Variants in DYNC1LI1 observed in about 807,000 individuals in gnomAD.
The protein encoded by DYNC1LI1 is cytoplasmic dynein 1 light intermediate chain 1.
Under a neutral mutation model 63.8 loss-of-function variants are expected in DYNC1LI1, and 19 were observed. That is an observed-to-expected ratio of 0.30 (90% CI 0.21 to 0.44). The LOEUF (loss-of-function observed/expected upper bound fraction) is 0.44. DYNC1LI1 is among the 20% of genes least tolerant of loss of function. The probability of loss-of-function intolerance (pLI) is 1.00; values close to 1 mark genes in which losing one functional copy is unlikely to be tolerated. For synonymous variants in DYNC1LI1, 225 were observed against 232.3 expected (o/e 0.97, Z 0.28); for missense variants, 565 against 630.2 (o/e 0.90, Z 1.11).
At chr3:32,570,521 C>T (rs2125448727) in intron 1 of DYNC1LI1, 102 bp from the exon 2 acceptor site, 1 of 1,478,386 alleles carries the variant, frequency 6.8e-7, no homozygotes, top group East Asian at 2.8e-5. Context: ...GCCGGGAACG[C>T]AGTGGCCGGG....
intron 2 of DYNC1LI1, among the ~76,000 whole-genome samples, chr3:32,562,244 C>T (rs183110853): frequency 3.1e-3 from 466 of 152,308 alleles, no homozygotes; most frequent in African/African-American, 0.01. Context: ...GCCTGGGGAA[C>T]AGAGCAAGAC....
At chr3:32,531,842 C>T (rs1451516263) in intron 8 of DYNC1LI1, 2 of 152,044 alleles carry the variant, frequency 1.3e-5, no homozygotes, top group Non-Finnish European at 2.9e-5. Flanking sequence ...ATCCTTCATC[C>T]GAAATGCTTG....
At chr3:32,536,921 C>G in intron 6 of DYNC1LI1, 90 bp downstream of exon 6, 1 of 689,066 alleles carries the variant, frequency 1.5e-6, no homozygotes, top group Non-Finnish European at 2.5e-6. Flanking sequence ...TACAGAATTT[C>G]TCAAGTCCAT....
intron 7 of DYNC1LI1, among the ~76,000 whole-genome samples, chr3:32,534,031 C>G (rs1295167075): frequency 6.6e-6 from 1 of 151,970 alleles, no homozygotes; most frequent in African/African-American, 2.4e-5. Context: ...TGTGCACCAC[C>G]ACACCCGGGC....
intron 2 of DYNC1LI1, among the ~76,000 whole-genome samples, chr3:32,563,968 A>T (rs1698226331): frequency 6.6e-6 from 1 of 152,246 alleles, no homozygotes; most frequent in South Asian, 2.1e-4. Context: ...AATCTCTATT[A>T]ACTGGCATTT....
Position 32,553,000 on chromosome 3 carries a change from T to C in DYNC1LI1, c.221-7035A>G, listed in dbSNP as rs541426413. ...GTGAGCCACCACACCCGGCCTAAAA[T>C]GTATACTTCTAAGCCTCCTACAGAG... On this transcript the variant is annotated intron_variant, in intron 2 of 12. Coordinates refer to ENST00000273130, the MANE Select transcript of DYNC1LI1 (RefSeq NM_016141.4). Among the ~76,000 whole-genome samples the C allele has an allele frequency of 1.3e-4, 20 of 152,250 alleles. No homozygotes were observed. The South Asian group carries it at 2.1e-3, about 16-fold the overall frequency.
At chr3:32,564,457 C>G (rs1423539002) in intron 2 of DYNC1LI1, among the ~76,000 whole-genome samples, 2 of 152,204 alleles carry the variant, frequency 1.3e-5, no homozygotes, top group African/African-American at 2.4e-5. Context: ...TACATATTAT[C>G]CATGGCTGTT....
intron 2 of DYNC1LI1, among the ~76,000 whole-genome samples, chr3:32,565,450 T>A (rs1192196921): frequency 6.6e-6 from 1 of 152,244 alleles, no homozygotes; most frequent in Non-Finnish European, 1.5e-5. Flanking sequence ...TCAATTAATC[T>A]AAATAAGTGT....
At chr3:32,542,636 G>A (rs1314254778) in intron 4 of DYNC1LI1, among the ~76,000 whole-genome samples, 3 of 151,976 alleles carry the variant, frequency 2.0e-5, no homozygotes, top group Admixed American at 6.6e-5. Context: ...TTGAATTCCC[G>A]ACTTGTGATC....
intron 2 of DYNC1LI1, among the ~76,000 whole-genome samples, chr3:32,549,393 C>G (rs1235434999): frequency 6.6e-6 from 1 of 151,430 alleles, no homozygotes; most frequent in Non-Finnish European, 1.5e-5. Context: ...TTAAAAGGAG[C>G]CTGAATCTGT....
chr3:32,558,403 T>TTA lies in DYNC1LI1; in HGVS notation c.220+11942_220+11943insTA, dbSNP rs1369929115. On this transcript the variant is annotated intron_variant, in intron 2 of 12. Coordinates refer to ENST00000273130, the MANE Select transcript of DYNC1LI1 (RefSeq NM_016141.4). ...TTATTCCCCCAACTCTTTAAAAATG[T>TTA]AAAAAAAAAAAAAAAAAAAAAAGAA... Among the ~76,000 whole-genome samples, 531 of 90,384 alleles carry TTA rather than the reference T, an allele frequency of 5.9e-3. 3 individuals are homozygous for TTA. Among genetic ancestry groups the TTA allele is most frequent in the African/African-American group, 0.023 (511 of 22,128 alleles). The allele number at this position is 90,384 out of a possible 152,430, so 59.3% of individuals were successfully genotyped here. A position where few individuals can be genotyped will look rare whatever the true frequency, so the allele number is the denominator to read the frequency against.
At chr3:32,570,285 G>A in intron 2 of DYNC1LI1, 61 bp downstream of exon 2, 1 of 1,371,528 alleles carries the variant, frequency 7.3e-7, no homozygotes, top group Admixed American at 2.0e-5. Context: ...GCTAGCCCGC[G>A]GACCAGGTAC....
At chr3:32,530,622 T>G (rs939271292) in intron 8 of DYNC1LI1, 102 bp from the exon 9 acceptor site, 5 of 1,047,422 alleles carry the variant, frequency 4.8e-6, no homozygotes, top group Non-Finnish European at 4.3e-6. Flanking sequence ...GTTCAAGAAT[T>G]TGAACATTAC....
intron 2 of DYNC1LI1, among the ~76,000 whole-genome samples, chr3:32,555,705 CTCTCT>C (rs1409635661): frequency 1.3e-5 from 2 of 152,196 alleles, no homozygotes; most frequent in Non-Finnish European, 2.9e-5. Flanking sequence ...ATGCTACTCT[CTCTCT>C]TAAGACCCTT....
At chr3:32,565,470 C>T (rs1478374339) in intron 2 of DYNC1LI1, among the ~76,000 whole-genome samples, 1 of 152,172 alleles carries the variant, frequency 6.6e-6, no homozygotes, top group East Asian at 1.9e-4. Flanking sequence ...TTATTGCTTG[C>T]ACTAAAAGAT....
rs1311720808 is a variant in DYNC1LI1, at chr3:32,533,091, T to C, written c.975A>G (p.Ala325=). ...VVEKDAVFIP[A]GWDNDKKIGI... ...CTATTTTCTTATCATTATCCCACCC[T>C]GCTGGACTGGAAAGAAATACATATG... Residue 325 remains alanine (A), a synonymous_variant, in exon 8 of 13, where the codon GCA becomes GCG. Transcript: ENST00000273130. 1.3e-6 allele frequency: 2 copies of C among 1,594,970 alleles called. No individual in the cohort carries two copies. Among genetic ancestry groups the C allele is most frequent in the Non-Finnish European group, 1.7e-6 (2 of 1,175,538 alleles).
At chr3:32,530,597 A>T in intron 8 of DYNC1LI1, 77 bp from the exon 9 acceptor site, 1 of 1,291,338 alleles carries the variant, frequency 7.7e-7, no homozygotes, top group South Asian at 1.2e-5. Context: ...TCTAGATTGG[A>T]CTAATTAAAA....
chr3:32,564,982 G>A (rs1399041958), intron 2 of DYNC1LI1, among the ~76,000 whole-genome samples: 1 of 152,056 alleles, frequency 6.6e-6, no homozygotes, highest in Non-Finnish European at 1.5e-5. Context: ...ATTCCTGAAG[G>A]GGGGGAAAAA....
chr3:32,528,497 C>G lies in DYNC1LI1; in HGVS notation c.1411G>C (p.Gly471Arg). 6.2e-7 allele frequency: 1 copy of G among 1,614,170 alleles called. No individual in the cohort carries two copies. Among genetic ancestry groups the G allele is most frequent in the Non-Finnish European group, 8.5e-7 (1 of 1,180,036 alleles). ...CCACTGCTTCCACCTCCAGCCCCAC[C>G]TGCAGGGCTACCACCACTCACACCA... ...GPGVSGGSPA[G>R]GAGGGSSGLP... The change falls in exon 12 of 13, where the codon GGT becomes CGT. Residue 471 changes from glycine (G) to arginine (R), a missense_variant. Transcript: ENST00000273130.
Sources: gnomAD v4.1 joint callset for allele counts (sites outside exome capture counted in the v4.1 genomes callset) on GRCh38, gnomAD v4.1.1 for gene constraint, MANE v1.5 for transcripts, NCBI Gene and HGNC (gene_info 2026-07-23, HGNC 2026-07-21) for gene names.